Variants in SEL1L3 observed in about 807,000 individuals in gnomAD.
The protein encoded by SEL1L3 is protein sel-1 homolog 3.
Under a neutral mutation model 142.8 loss-of-function variants are expected in SEL1L3, and 76 were observed. The ratio of observed to expected loss-of-function variants is 0.53; its 90% CI spans 0.44 to 0.64. The LOEUF (loss-of-function observed/expected upper bound fraction) is 0.64, where lower values mean the gene tolerates loss of function less well. Ranked by LOEUF, SEL1L3 falls within the 30% of genes least tolerant of loss-of-function variation. The probability of loss-of-function intolerance (pLI) is 0.00; values close to 1 mark genes in which losing one functional copy is unlikely to be tolerated. For missense variants in SEL1L3, 1,262 were observed against 1,381.7 expected (o/e 0.91, Z 1.37); for synonymous variants, 504 against 519.6 (o/e 0.97, Z 0.41).
chr4:25,763,185 G>GAAA (rs34349674), intron 20 of SEL1L3, among the ~76,000 whole-genome samples: 1 of 145,100 alleles, frequency 6.9e-6, no homozygotes, highest in African/African-American at 2.5e-5. Context: ...AATAAAAATT[G>GAAA]AAAAAAAAAA....
chr4:25,760,416 T>C (rs1287726043), intron 20 of SEL1L3, among the ~76,000 whole-genome samples: 1 of 152,232 alleles, frequency 6.6e-6, no homozygotes, highest in Non-Finnish European at 1.5e-5. Flanking sequence ...GAACGATTTA[T>C]ATTCCTTTGG....
intron 20 of SEL1L3, 134 bp downstream of exon 20, chr4:25,765,192 C>T (rs1718630454): frequency 1.6e-6 from 1 of 644,580 alleles, no homozygotes. Context: ...TGGGGTTTCG[C>T]CATGTTGCTC....
At chr4:25,821,166 A>AT (rs1182160162) in intron 7 of SEL1L3, among the ~76,000 whole-genome samples, 1 of 152,130 alleles carries the variant, frequency 6.6e-6, no homozygotes, top group Non-Finnish European at 1.5e-5. Flanking sequence ...TGACTATTTC[A>AT]TTTTTTTCCC....
intron 1 of SEL1L3, among the ~76,000 whole-genome samples, chr4:25,860,239 T>G (rs533891185): frequency 8.5e-5 from 13 of 152,332 alleles, no homozygotes; most frequent in South Asian, 2.1e-4. Flanking sequence ...TATTACCATG[T>G]AGGCTTTCAA....
At chr4:25,726,326 A>C in the SEL1L3 span, among the ~76,000 whole-genome samples, 1 of 151,920 alleles carries the variant, frequency 6.6e-6, no homozygotes, top group Non-Finnish European at 1.5e-5. Context: ...TCAGGAGTTC[A>C]AGACCAGCCT....
chr4:25,766,477 G>C (rs1009722691), intron 19 of SEL1L3, among the ~76,000 whole-genome samples: 3 of 150,856 alleles, frequency 2.0e-5, no homozygotes, highest in African/African-American at 7.3e-5. Flanking sequence ...ATTAGTCAAT[G>C]TCCAATAAGG....
chr4:25,736,089 A>G, the SEL1L3 span, among the ~76,000 whole-genome samples: 1 of 151,874 alleles, frequency 6.6e-6, no homozygotes, highest in Non-Finnish European at 1.5e-5. Flanking sequence ...TCGGCCTCCC[A>G]AAGTGCTAGG....
At chr4:25,820,787 A>T (rs950624309) in intron 7 of SEL1L3, among the ~76,000 whole-genome samples, 63 of 151,576 alleles carry the variant, frequency 4.2e-4, no homozygotes, top group Non-Finnish European at 7.2e-4. Flanking sequence ...TCTTTTTTTA[A>T]TTTTTTTTAT....
chr4:25,746,132 G>A (rs530606019), downstream of SEL1L3, among the ~76,000 whole-genome samples: 11 of 152,214 alleles, frequency 7.2e-5, no homozygotes, highest in Non-Finnish European at 1.5e-4. Context: ...GTTTAGCACC[G>A]TCCTGTTGAT....
chr4:25,833,433 CT>C lies in SEL1L3; in HGVS notation c.982+14del, dbSNP rs1715573738. ...AAATTACAATATCATTTTAAAGGTT[CT>C]GTTTTATACTCACCCTCTTCCGTAA... On this transcript the variant is annotated intron_variant, in intron 4 of 23. Coordinates refer to ENST00000399878, the MANE Select transcript of SEL1L3 (RefSeq NM_015187.5). The C allele has an allele frequency of 6.2e-7, 1 of 1,602,362 alleles. No individual in the cohort carries two copies. The highest frequency in any genetic ancestry group is 8.5e-7 in the Non-Finnish European group (1 of 1,175,272).
At chr4:25,725,843 C>T in the SEL1L3 span, among the ~76,000 whole-genome samples, 56,622 of 151,918 alleles carry the variant, frequency 0.37, 11,817 homozygotes, top group African/African-American at 0.57. Context: ...AGCATGCTAA[C>T]GTATTATAAT....
the SEL1L3 span, among the ~76,000 whole-genome samples, chr4:25,721,882 C>A: frequency 3.3e-5 from 5 of 152,166 alleles, no homozygotes; most frequent in Admixed American, 3.3e-4. Flanking sequence ...TGGACGTCTT[C>A]AAATGTGTTT....
chr4:25,759,128 T>A, intron 20 of SEL1L3, 60 bp from the exon 21 acceptor site: 1 of 1,554,660 alleles, frequency 6.4e-7, no homozygotes, highest in Non-Finnish European at 8.7e-7. Flanking sequence ...AGACACACAC[T>A]CTTCATCAGA....
chr4:25,822,856 C>A (rs1275412464), intron 6 of SEL1L3, among the ~76,000 whole-genome samples: 11 of 152,212 alleles, frequency 7.2e-5, no homozygotes, highest in Admixed American at 1.3e-4. Flanking sequence ...GATGGGAGAA[C>A]CCCGGTGTCT....
At chr4:25,862,548 G>T in intron 1 of SEL1L3, 127 bp downstream of exon 1, 1 of 453,036 alleles carries the variant, frequency 2.2e-6, no homozygotes, top group Non-Finnish European at 3.4e-6. Context: ...CCGGGGCGCA[G>T]CGACGAGGAA....
intron 9 of SEL1L3, among the ~76,000 whole-genome samples, chr4:25,813,464 A>G (rs1470562920): frequency 6.6e-6 from 1 of 152,212 alleles, no homozygotes; most frequent in African/African-American, 2.4e-5. Flanking sequence ...AAAGACAAAT[A>G]CTGTGTAAAA....
At chr4:25,777,590 T>C in intron 16 of SEL1L3, 1 of 327,314 alleles carries the variant, frequency 3.1e-6, no homozygotes, top group Non-Finnish European at 6.0e-6. Flanking sequence ...CATATACCAA[T>C]CATAAAGCAC....
intron 2 of SEL1L3, among the ~76,000 whole-genome samples, chr4:25,846,859 A>C (rs1282989305): frequency 3.8e-5 from 5 of 131,356 alleles, no homozygotes; most frequent in African/African-American, 1.5e-4. Flanking sequence ...CAGTGAGCCG[A>C]GTGAGATCTC....
At chr4:25,784,549 A>T (rs567413148) in intron 13 of SEL1L3, among the ~76,000 whole-genome samples, 161 of 152,280 alleles carry the variant, frequency 1.1e-3, no homozygotes, top group African/African-American at 3.7e-3. Flanking sequence ...AACCCTGTCA[A>T]TCCACAGGTA....
Sources: gnomAD v4.1 joint callset for allele counts (sites outside exome capture counted in the v4.1 genomes callset) on GRCh38, gnomAD v4.1.1 for gene constraint, MANE v1.5 for transcripts, NCBI Gene and HGNC (gene_info 2026-07-23, HGNC 2026-07-21) for gene names.